AK8: variants seen among roughly 807,000 people sequenced by gnomAD.
The protein encoded by AK8 is adenylate kinase 8.
AK8 carries 44 observed loss-of-function variants against 54.6 expected under a neutral mutation model. That is an observed-to-expected ratio of 0.81 (90% CI 0.63 to 1.04). The LOEUF is 1.04. AK8 is among the 50% of genes least tolerant of loss of function. The pLI is 0.00. For synonymous variants in AK8, 239 were observed against 245.6 expected, an observed-to-expected ratio of 0.97 and a Z score of 0.25; for missense variants, 555 against 613.6, an observed-to-expected ratio of 0.90 and a Z score of 1.01.
chr9:132,868,046 C>A (rs892125181), intron 2 of AK8, among the ~76,000 whole-genome samples: 6 of 152,238 alleles, frequency 3.9e-5, no homozygotes, highest in Admixed American at 3.9e-4. Flanking sequence ...TGTCCCTCTC[C>A]TTGTGGGAAG....
chr9:132,756,783 C>T (rs1416119760), intron 11 of AK8, among the ~76,000 whole-genome samples: 1 of 152,222 alleles, frequency 6.6e-6, no homozygotes, highest in Admixed American at 6.5e-5. Context: ...TCATCATCCC[C>T]CCTTTAGAGA....
In AK8 at chr9:132,873,498, C is replaced by T. The variant is rs184439796; in HGVS notation, c.169+1617G>A. On this transcript the variant is annotated intron_variant, in intron 2 of 12. Coordinates refer to ENST00000298545, the MANE Select transcript of AK8 (RefSeq NM_152572.3). ...GCACTTTCCACTCGCTCTTGGTTGACTTTTAGTCTTACTTTGTTTTTACTT... is the reference window on the plus strand; with the variant it reads ...GCACTTTCCACTCGCTCTTGGTTGATTTTTAGTCTTACTTTGTTTTTACTT... 2.2e-4 allele frequency among the ~76,000 whole-genome samples: 33 copies of T among 152,338 alleles called. No homozygotes were observed. The East Asian group carries it at 6.2e-3, about 29-fold the overall frequency.
chr9:132,826,910 G>A lies in AK8; in HGVS notation c.701C>T (p.Pro234Leu). 1 of 1,614,254 alleles carries A rather than the reference G, an allele frequency of 6.2e-7. No individual in the cohort carries two copies. The highest frequency in any genetic ancestry group is 1.1e-5 in the South Asian group (1 of 91,090). ...AGCACTGATGACTTTGAGGATTTTG[G>A]GGTAGGAGGGAATGACCCTGACGAT... is the stretch of plus-strand genomic sequence containing the variant. ...RNIVRVIPSY[P>L]KILKVISADQ... is the part of the protein sequence containing the mutation. The change falls in exon 8 of 13, where the codon CCC becomes CTC. Residue 234 changes from proline (P) to leucine (L), a missense_variant. By Grantham distance (98) the Pro-to-Leu change is moderately conservative (BLOSUM62 -3). Coordinates refer to ENST00000298545, the MANE Select transcript of AK8 (RefSeq NM_152572.3). The surrounding 1 kb of genome is among the most constrained non-coding windows in gnomAD (Gnocchi z 4.5).
intron 2 of AK8, among the ~76,000 whole-genome samples, chr9:132,872,576 C>T (rs923881214): frequency 1.3e-5 from 2 of 152,114 alleles, no homozygotes; most frequent in Non-Finnish European, 2.9e-5. Flanking sequence ...AGCGATCCTC[C>T]TGTCTCAGCC....
chr9:132,863,894 G>T (rs1843488962), intron 3 of AK8, 116 bp from the exon 4 acceptor site: 3 of 786,952 alleles, frequency 3.8e-6, no homozygotes, highest in East Asian at 2.7e-5. Context: ...CCATGGGGAA[G>T]CACAATTATT....
chr9:132,847,324 C>T (rs967262853), intron 5 of AK8, among the ~76,000 whole-genome samples: 1 of 152,218 alleles, frequency 6.6e-6, no homozygotes, highest in Non-Finnish European at 1.5e-5. Flanking sequence ...GGCGCCATCT[C>T]CACCGGGCCT....
chr9:132,745,422 C>T (rs1393283265), intron 11 of AK8, among the ~76,000 whole-genome samples: 1 of 152,108 alleles, frequency 6.6e-6, no homozygotes, highest in South Asian at 2.1e-4. Flanking sequence ...CAATTGTGTG[C>T]GTCCGTGTCG....
At chr9:132,843,969 T>C (rs1842639827) in intron 5 of AK8, among the ~76,000 whole-genome samples, 1 of 152,102 alleles carries the variant, frequency 6.6e-6, no homozygotes, top group South Asian at 2.1e-4. Flanking sequence ...AGGTTCCAAA[T>C]AAAGGAAAGG....
In AK8 at chr9:132,878,146, C is replaced by A; in HGVS notation, c.84+26G>T. The A allele has an allele frequency of 6.5e-7, 1 of 1,534,302 alleles. No homozygotes were observed. The highest frequency in any genetic ancestry group is 8.8e-7 in the Non-Finnish European group (1 of 1,140,154). ...GAGGCTCCCGAGCCGCCGCCAGCGT[C>A]GCGACGGGCAGGGGTGTCCGGTCAC... On this transcript the variant is annotated intron_variant, in intron 1 of 12. Transcript: ENST00000298545. This position sits in a 1 kb window ranked among gnomAD's most constrained non-coding sequence, Gnocchi z 4.7.
chr9:132,759,942 C>A (rs1029522524), intron 11 of AK8, among the ~76,000 whole-genome samples: 1 of 144,082 alleles, frequency 6.9e-6, no homozygotes, highest in African/African-American at 2.6e-5. Context: ...CAGCAAGTTG[C>A]ATCAAAAAGA....
At chr9:132,849,669 GC>G (rs1265108079) in intron 5 of AK8, among the ~76,000 whole-genome samples, 1 of 152,202 alleles carries the variant, frequency 6.6e-6, no homozygotes, top group African/African-American at 2.4e-5. Context: ...ATGGCTGAGG[GC>G]CATGCAGAAC....
chr9:132,868,661 T>G (rs997772183), intron 2 of AK8, among the ~76,000 whole-genome samples: 13 of 152,074 alleles, frequency 8.5e-5, no homozygotes, highest in Non-Finnish European at 1.5e-4. Flanking sequence ...GAAGAGAAGC[T>G]CCCAAGGGCA....
Position 132,770,734 on chromosome 9 carries a change from G to C in AK8, c.1121+21900C>G, listed in dbSNP as rs570597209. ...CCTTCAAGGGGAGCCCTGGGGCGCA[G>C]TGTGGGGCGGTCTTGCTCCCTGTTG... On this transcript the variant is annotated intron_variant, in intron 11 of 12. Transcript: ENST00000298545. The surrounding 1 kb of genome is among the most constrained non-coding windows in gnomAD (Gnocchi z 4.3). 6.6e-6 allele frequency among the ~76,000 whole-genome samples: 1 copy of C among 152,342 alleles called. No individual in the cohort carries two copies. Among genetic ancestry groups the C allele is most frequent in the South Asian group, 2.1e-4 (1 of 4,832 alleles).
At chr9:132,801,435 G>A (rs1306417763) in intron 10 of AK8, among the ~76,000 whole-genome samples, 2 of 152,126 alleles carry the variant, frequency 1.3e-5, no homozygotes, top group Admixed American at 6.5e-5. Context: ...AAAGTATCTG[G>A]GAAAATGAGC....
At chr9:132,789,696 G>A (rs1839867677) in intron 11 of AK8, among the ~76,000 whole-genome samples, 1 of 151,878 alleles carries the variant, frequency 6.6e-6, no homozygotes, top group African/African-American at 2.4e-5. Context: ...TCTGGTATGG[G>A]TCTAACTGGG....
chr9:132,823,423 C>T (rs1841738922), intron 8 of AK8, 87 bp from the exon 9 acceptor site: 26 of 1,548,666 alleles, frequency 1.7e-5, no homozygotes, highest in Middle Eastern at 1.7e-4. Flanking sequence ...ACTCTTTTAA[C>T]GGCAGTAACT....
chr9:132,796,834 T>G (rs1588140679), intron 10 of AK8, among the ~76,000 whole-genome samples: 1 of 145,486 alleles, frequency 6.9e-6, no homozygotes, highest in African/African-American at 2.6e-5. Flanking sequence ...GGGGGAAGGG[T>G]GGCCGCCACT....
At chr9:132,811,669 C>T (rs1841016140) in intron 10 of AK8, among the ~76,000 whole-genome samples, 1 of 152,170 alleles carries the variant, frequency 6.6e-6, no homozygotes, top group South Asian at 2.1e-4. Context: ...CAAAGACAGG[C>T]AGGGAATGAG....
intron 10 of AK8, among the ~76,000 whole-genome samples, chr9:132,795,839 G>A (rs890620596): frequency 1.1e-4 from 16 of 152,198 alleles, no homozygotes; most frequent in East Asian, 3.8e-4. Flanking sequence ...GGCCTAGGAC[G>A]GCTACTAAGG....
Sources: allele counts gnomAD v4.1 joint callset (sites outside exome capture counted in the v4.1 genomes callset), GRCh38; gene constraint gnomAD v4.1.1; non-coding constraint Gnocchi (gnomAD v3.1); transcripts MANE v1.5; gene names NCBI Gene and HGNC (gene_info 2026-07-23, HGNC 2026-07-21).